The following PCSK6 variants were observed in gnomAD, a reference collection of about 807,000 sequenced individuals.
The protein encoded by PCSK6 is proprotein convertase subtilisin/kexin type 6, also known as paired basic amino acid cleaving enzyme 4.
In PCSK6, 85 loss-of-function variants were observed where a neutral mutation model predicts 123.3. The ratio of observed to expected loss-of-function variants is 0.69; its 90% CI spans 0.58 to 0.83. The LOEUF (loss-of-function observed/expected upper bound fraction) is 0.83, where lower values mean the gene tolerates loss of function less well. PCSK6 is among the 40% of genes least tolerant of loss of function. The pLI is 0.00. For synonymous variants in PCSK6, 508 were observed against 516.0 expected, an observed-to-expected ratio of 0.98 and a Z score of 0.21; for missense variants, 1,191 against 1,282.3, an observed-to-expected ratio of 0.93 and a Z score of 1.09.
chr15:101,336,891 C>G (rs1008796625), intron 13 of PCSK6: 1 of 152,252 alleles, frequency 6.6e-6, no homozygotes, highest in African/African-American at 2.4e-5. Context: ...ACCAAAGCAA[C>G]CCCTTCCTGC....
At position 101,427,914 on chromosome 15, in the gene PCSK6, T is replaced by C. The variant is rs1204765713; in HGVS notation, c.801A>G (p.Ile267Met). ...TACCTCCTATTTTGGCATTGTACGC[T>C]ATGCCCACGATGCAGTAGGAATTGT... Reference protein sequence around the residue: ...SANNSYCIVGIAYNAKIGGIR... With the variant: ...SANNSYCIVGMAYNAKIGGIR... The change falls in exon 6 of 22, where the codon ATA becomes ATG. Residue 267 changes from isoleucine (I) to methionine (M), a missense_variant. Ile to Met is a conservative substitution (Grantham distance 10). Transcript: ENST00000611716. 6.3e-7 allele frequency: 1 copy of C among 1,584,672 alleles called. No individual in the cohort carries two copies. Among genetic ancestry groups the C allele is most frequent in the Non-Finnish European group, 8.6e-7 (1 of 1,165,122 alleles).
At chr15:101,396,021 C>T (rs962261859) in intron 7 of PCSK6, among the ~76,000 whole-genome samples, 3 of 152,022 alleles carry the variant, frequency 2.0e-5, no homozygotes, top group Non-Finnish European at 2.9e-5. Context: ...AATAGGGCCA[C>T]AAGGAGGAAA....
At chr15:101,343,402 G>T (rs1331722249) in intron 13 of PCSK6, among the ~76,000 whole-genome samples, 2 of 151,344 alleles carry the variant, frequency 1.3e-5, no homozygotes, top group Non-Finnish European at 2.9e-5. Context: ...TATGTTGTTG[G>T]TTTTTTTCTA....
At chr15:101,391,268 C>T (rs868541679) in intron 8 of PCSK6, among the ~76,000 whole-genome samples, 1 of 152,220 alleles carries the variant, frequency 6.6e-6, no homozygotes, top group South Asian at 2.1e-4. Flanking sequence ...CGGCAGATCA[C>T]AGCCAGGCAC....
intron 13 of PCSK6, among the ~76,000 whole-genome samples, chr15:101,348,268 C>A (rs1466168105): frequency 6.6e-6 from 1 of 152,230 alleles, no homozygotes; most frequent in East Asian, 1.9e-4. Flanking sequence ...GGAGCCGAGG[C>A]AAGGAAGTGA....
chr15:101,354,321 C>T (rs754438134), intron 13 of PCSK6, among the ~76,000 whole-genome samples: 1 of 152,208 alleles, frequency 6.6e-6, no homozygotes, highest in Non-Finnish European at 1.5e-5. Context: ...CACATACATA[C>T]TTATACACAA....
chr15:101,468,966 AG>A (rs1219668289), intron 1 of PCSK6, among the ~76,000 whole-genome samples: 21 of 152,366 alleles, frequency 1.4e-4, no homozygotes, highest in Admixed American at 5.2e-4. Context: ...AGGATGTCAG[AG>A]GTCCCCAGCT....
At chr15:101,338,034 G>A (rs1453680539) in intron 13 of PCSK6, among the ~76,000 whole-genome samples, 2 of 152,150 alleles carry the variant, frequency 1.3e-5, no homozygotes, top group African/African-American at 4.8e-5. Flanking sequence ...ACACGTTAAT[G>A]TCTTATCTTG....
intron 1 of PCSK6, among the ~76,000 whole-genome samples, chr15:101,457,251 AG>A (rs1470785943): frequency 1.3e-5 from 2 of 152,236 alleles, no homozygotes; most frequent in Non-Finnish European, 2.9e-5. Flanking sequence ...CTTGGAGCCA[AG>A]GACTACCCAG....
intron 6 of PCSK6, among the ~76,000 whole-genome samples, chr15:101,409,541 T>C (rs28372103): frequency 0.3 from 43,110 of 145,360 alleles, 6,905 homozygotes; most frequent in African/African-American, 0.45. Flanking sequence ...GCCGAGATCG[T>C]GCCACTGCAC....
chr15:101,334,152 T>A (rs1445835174), intron 13 of PCSK6: 1 of 152,206 alleles, frequency 6.6e-6, no homozygotes, highest in Non-Finnish European at 1.5e-5. Context: ...TAACCCAGCC[T>A]ACGTGTGTGG....
intron 1 of PCSK6, among the ~76,000 whole-genome samples, chr15:101,481,122 G>C (rs2057868699): frequency 6.6e-6 from 1 of 152,204 alleles, no homozygotes; most frequent in Admixed American, 6.5e-5. Context: ...AGAGCAGCCA[G>C]AGGCCTAACT....
rs967120431 is a variant in PCSK6 at position 101,475,200 on chromosome 15, G to A, written c.297+14174C>T. On this transcript the variant is annotated intron_variant, in intron 1 of 21. Coordinates refer to ENST00000611716, the MANE Select transcript of PCSK6 (RefSeq NM_002570.5). ...TTACGTGCTGTCTATTTTAGGTGGG[G>A]ACTTTGTCTTACTCATCTCTGAATT... is the stretch of plus-strand genomic sequence containing the variant. 6.6e-5 allele frequency among the ~76,000 whole-genome samples: 10 copies of A among 152,148 alleles called. No individual in the cohort carries two copies. The South Asian group carries it at 1.5e-3, about 22-fold the overall frequency.
chr15:101,466,813 G>A (rs1221448300), intron 1 of PCSK6, among the ~76,000 whole-genome samples: 1 of 152,114 alleles, frequency 6.6e-6, no homozygotes, highest in Non-Finnish European at 1.5e-5. Context: ...CTAGAGAGAC[G>A]GAGAGTAGAT....
intron 7 of PCSK6, 149 bp from the exon 8 acceptor site, chr15:101,393,573 G>A: frequency 1.6e-6 from 1 of 611,122 alleles, no homozygotes; most frequent in Non-Finnish European, 2.8e-6. Flanking sequence ...TGAGAGCATG[G>A]TTTTGGGGGC....
At chr15:101,361,654 G>C (rs1215786629) in intron 13 of PCSK6, among the ~76,000 whole-genome samples, 1 of 152,226 alleles carries the variant, frequency 6.6e-6, no homozygotes, top group Non-Finnish European at 1.5e-5. Context: ...AGGATGTGCA[G>C]GTCAGGCTAA....
chr15:101,317,598 C>A (rs990292249), intron 19 of PCSK6, among the ~76,000 whole-genome samples: 1 of 152,232 alleles, frequency 6.6e-6, no homozygotes, highest in African/African-American at 2.4e-5. Context: ...CCACCTGGAT[C>A]CATTCCCGCC....
intron 6 of PCSK6, among the ~76,000 whole-genome samples, chr15:101,422,965 C>G (rs1398303127): frequency 6.6e-6 from 1 of 152,152 alleles, no homozygotes; most frequent in Admixed American, 6.5e-5. Context: ...AATCCAGAGT[C>G]TCTACAATGT....
rs572996223 is a variant in PCSK6, at chr15:101,443,268, A to G, written c.402+288T>C. Among the ~76,000 whole-genome samples, 3 of 152,374 alleles carry G rather than the reference A, an allele frequency of 2.0e-5. No individual in the cohort carries two copies. The South Asian group carries it at 6.2e-4, about 32-fold the overall frequency. On this transcript the variant is annotated intron_variant, in intron 2 of 21. Coordinates refer to ENST00000611716, the MANE Select transcript of PCSK6 (RefSeq NM_002570.5). ...CACCTGCCTGATCTCTAATTTCATT[A>G]TTAAAATACTTGCTTGAATTGCTTA...
Sources: gnomAD v4.1 joint callset for allele counts (sites outside exome capture counted in the v4.1 genomes callset) on GRCh38, gnomAD v4.1.1 for gene constraint, MANE v1.5 for transcripts, NCBI Gene and HGNC (gene_info 2026-07-23, HGNC 2026-07-21) for gene names.